FBXO3: variants seen among roughly 807,000 people sequenced by gnomAD.
FBXO3 encodes F-box only protein 3.
FBXO3 carries 17 observed loss-of-function variants against 64.8 expected under a neutral mutation model. The ratio of observed to expected loss-of-function variants is 0.26; its 90% CI spans 0.18 to 0.39. FBXO3 has a LOEUF of 0.39. FBXO3 is among the 10% of genes least tolerant of loss of function. The pLI is 1.00. For synonymous variants in FBXO3, 182 were observed against 201.6 expected, an observed-to-expected ratio of 0.90 and a Z score of 0.82; for missense variants, 420 against 589.9, an observed-to-expected ratio of 0.71 and a Z score of 2.98.
rs1456609350 is a variant in FBXO3, at chr11:33,741,071, T to TTCA, written c.*834_*836dup. ...AAACATACTTAATCCTAACATAAAA[T>TTCA]TCATGTCACTTATCACAAAGACAGT... is the stretch of plus-strand genomic sequence containing the variant. On this transcript the variant is annotated 3_prime_UTR_variant, in exon 11 of 11. Coordinates refer to ENST00000265651, the MANE Select transcript of FBXO3 (RefSeq NM_012175.4). 2 of 152,600 alleles carry TTCA rather than the reference T, an allele frequency of 1.3e-5. No individual in the cohort carries two copies. The highest frequency in any genetic ancestry group is 1.5e-5 in the Non-Finnish European group (1 of 68,030). 9.5% of individuals were successfully genotyped at this position (152,600 alleles called of 1,614,324 possible).
At position 33,754,440 on chromosome 11, in the gene FBXO3, T is replaced by C. The variant is rs749822197; in HGVS notation, c.724+15A>G. ...AAGAAGAAGAAGGGGGAAAAAAGAC[T>C]TTTTTCTTTCCTACCTATAATAAAC... On this transcript the variant is annotated intron_variant, in intron 6 of 10. Coordinates refer to ENST00000265651, the MANE Select transcript of FBXO3 (RefSeq NM_012175.4). The C allele has an allele frequency of 1.6e-5, 25 of 1,569,664 alleles. No individual in the cohort carries two copies. Among genetic ancestry groups the C allele is most frequent in the Non-Finnish European group, 2.1e-5 (24 of 1,164,556 alleles).
At chr11:33,774,321 G>A (rs1428190356) in intron 1 of FBXO3, 73 bp downstream of exon 1, 6 of 1,263,494 alleles carry the variant, frequency 4.7e-6, no homozygotes, top group Non-Finnish European at 5.5e-6. Context: ...CAGCGGCCCC[G>A]ACCCCCTTTC....
chr11:33,750,716 C>T (rs550618208), intron 7 of FBXO3, 55 bp from the exon 8 acceptor site: 15 of 1,520,874 alleles, frequency 9.9e-6, no homozygotes, highest in East Asian at 4.6e-5. Flanking sequence ...TTAAAAGATA[C>T]GATGCAAAAT....
intron 6 of FBXO3, chr11:33,753,005 T>C (rs1333479264): frequency 6.6e-6 from 1 of 152,202 alleles, no homozygotes; most frequent in East Asian, 1.9e-4. Flanking sequence ...TTCTTAAATA[T>C]CTATTATTAG....
chr11:33,755,268 G>A (rs1855067392), intron 5 of FBXO3, among the ~76,000 whole-genome samples: 1 of 152,100 alleles, frequency 6.6e-6, no homozygotes, highest in Non-Finnish European at 1.5e-5. Flanking sequence ...AGAAATTACT[G>A]ATAACTGAAA....
intron 9 of FBXO3, among the ~76,000 whole-genome samples, chr11:33,748,398 C>G (rs1341383997): frequency 6.6e-6 from 1 of 152,030 alleles, no homozygotes; most frequent in African/African-American, 2.4e-5. Context: ...TTTAAGAAAG[C>G]CAAATGACAA....
chr11:33,766,192 A>C (rs1394907596), intron 3 of FBXO3, among the ~76,000 whole-genome samples: 2 of 152,338 alleles, frequency 1.3e-5, no homozygotes, highest in African/African-American at 4.8e-5. Context: ...ACCTACTCAT[A>C]GAAGGAAACA....
intron 2 of FBXO3, among the ~76,000 whole-genome samples, chr11:33,770,092 C>A (rs2133625343): frequency 6.6e-6 from 1 of 152,258 alleles, no homozygotes; most frequent in Middle Eastern, 3.4e-3. Context: ...TCACATGTAT[C>A]TACTGATACC....
chr11:33,767,666 C>T (rs1285966708), intron 3 of FBXO3: 1 of 152,180 alleles, frequency 6.6e-6, no homozygotes, highest in African/African-American at 2.4e-5. Context: ...TTATTTATCC[C>T]ATAGGACTTT....
chr11:33,751,347 T>G (rs1854951676), intron 7 of FBXO3, among the ~76,000 whole-genome samples, 176 bp downstream of exon 7: 2 of 152,212 alleles, frequency 1.3e-5, no homozygotes, highest in Admixed American at 6.5e-5. Context: ...AGCATTTAGA[T>G]GTTTGGCTTT....
intron 10 of FBXO3, chr11:33,744,544 C>A (rs1308036501): frequency 6.6e-6 from 1 of 152,186 alleles, no homozygotes; most frequent in Admixed American, 6.5e-5. Flanking sequence ...CAGAACAATT[C>A]TCCATATCAG....
chr11:33,750,437 T>C (rs1227325715), intron 8 of FBXO3, 102 bp downstream of exon 8: 4 of 1,373,414 alleles, frequency 2.9e-6, no homozygotes, highest in Non-Finnish European at 4.0e-6. Flanking sequence ...GCAAGTTCTT[T>C]CAAAATGTGT....
chr11:33,767,581 G>A (rs1434407001), intron 3 of FBXO3: 1 of 152,262 alleles, frequency 6.6e-6, no homozygotes, highest in Non-Finnish European at 1.5e-5. Flanking sequence ...TTATAGGCGT[G>A]AGCCACCGCG....
In FBXO3 at chr11:33,755,882, T is replaced by C. The variant is rs112952452; in HGVS notation, c.567A>G (p.Gly189=). ...TAAGGFQQRQ[G]LKYCLPLTFC... ...AAGTTAAAGGGAGACAGTATTTCAG[T>C]CCCTGTCTCTGCTGGAATCCTCCGG... The change falls in exon 5 of 11, where the codon GGA becomes GGG. Residue 189 remains glycine, a synonymous_variant. Transcript: ENST00000265651. 2 of 1,613,890 alleles carry C rather than the reference T, an allele frequency of 1.2e-6. No homozygotes were observed. Among genetic ancestry groups the C allele is most frequent in the African/African-American group, 1.3e-5 (1 of 75,042 alleles).
chr11:33,757,656 TAAAAAA>T (rs1170445394), intron 4 of FBXO3, among the ~76,000 whole-genome samples: 261 of 23,970 alleles, frequency 0.011, 3 homozygotes, highest in African/African-American at 0.037. Flanking sequence ...CACCATCTCT[TAAAAAA>T]AAAAAAAAAA....
rs751972619 is a variant in FBXO3, at chr11:33,747,074, G to T, written c.1239+56C>A. Reference sequence around the variant, plus strand: ...AACTAACTATTTGCCTGGCTTATCTGCAGTGTTAACCCTACAAAGTCATGT... The same window carrying T: ...AACTAACTATTTGCCTGGCTTATCTTCAGTGTTAACCCTACAAAGTCATGT... On this transcript the variant is annotated intron_variant, in intron 10 of 10. Transcript: ENST00000265651. The T allele has an allele frequency of 1.0e-5, 16 of 1,587,100 alleles. No individual in the cohort carries two copies. In the African/African-American group the frequency reaches 1.9e-4, roughly 19 times the overall value.
chr11:33,755,423 C>T (rs1855071680), intron 5 of FBXO3, among the ~76,000 whole-genome samples: 1 of 152,158 alleles, frequency 6.6e-6, no homozygotes, highest in Non-Finnish European at 1.5e-5. Context: ...CTATTGCACT[C>T]AAAGCATGAA....
In FBXO3 at chr11:33,774,383, C is replaced by A; in HGVS notation, c.104+11G>T. The A allele has an allele frequency of 6.3e-7, 1 of 1,588,200 alleles. No homozygotes were observed. Among genetic ancestry groups the A allele is most frequent in the Non-Finnish European group, 8.6e-7 (1 of 1,166,484 alleles). The stretch of plus-strand genomic sequence containing the variant: ...ATGCCCCCACCCCTGCCATGCGTGT[C>A]GTCCCATTACTTGATTAGATCCCGA... On this transcript the variant is annotated intron_variant, in intron 1 of 10. Coordinates refer to ENST00000265651, the MANE Select transcript of FBXO3 (RefSeq NM_012175.4).
chr11:33,770,781 G>A lies in FBXO3; in HGVS notation c.154C>T (p.Leu52=), dbSNP rs761750078. The A allele has an allele frequency of 1.9e-6, 3 of 1,611,764 alleles. No individual in the cohort carries two copies. The highest frequency in any genetic ancestry group is 2.2e-5 in the East Asian group (1 of 44,872). The stretch of plus-strand genomic sequence containing the variant: ...TATTTTTTGCAATGTCTTCTCCACA[G>A]CGGATCATGACTTGATAGCTGGCTA... The part of the protein sequence containing the change: ...RLSQLSSHDP[L]WRRHCKKYWL... Residue 52 remains leucine (L), a synonymous_variant, in exon 2 of 11, where the codon CTG becomes TTG. Coordinates refer to ENST00000265651, the MANE Select transcript of FBXO3 (RefSeq NM_012175.4).
Sources: gnomAD v4.1 joint callset for allele counts (sites outside exome capture counted in the v4.1 genomes callset) on GRCh38, gnomAD v4.1.1 for gene constraint, MANE v1.5 for transcripts, NCBI Gene and HGNC (gene_info 2026-07-23, HGNC 2026-07-21) for gene names.